Variants in NCS1 observed in about 807,000 individuals in gnomAD.
NCS1 encodes the protein neuronal calcium sensor 1.
NCS1 carries 6 observed loss-of-function variants against 28.4 expected under a neutral mutation model. That is an observed-to-expected ratio of 0.21 (90% CI 0.12 to 0.42). NCS1 has a LOEUF of 0.42. Ranked by LOEUF, NCS1 falls within the 10% of genes least tolerant of loss-of-function variation. NCS1 has a pLI of 1.00. For synonymous variants in NCS1, 86 were observed against 99.3 expected, an observed-to-expected ratio of 0.87 and a Z score of 0.79; for missense variants, 131 against 241.4, an observed-to-expected ratio of 0.54 and a Z score of 3.03.
intron 2 of NCS1, among the ~76,000 whole-genome samples, 184 bp from the exon 3 acceptor site, chr9:130,217,648 C>G (rs1554909586): frequency 6.6e-6 from 1 of 152,166 alleles, no homozygotes; most frequent in Non-Finnish European, 1.5e-5. Flanking sequence ...TATCCAAGGT[C>G]ACACTGCTAG....
At chr9:130,196,494 T>A (rs1171980975) in intron 1 of NCS1, among the ~76,000 whole-genome samples, 4 of 152,204 alleles carry the variant, frequency 2.6e-5, no homozygotes, top group African/African-American at 4.8e-5. Context: ...ACCCCAGCAC[T>A]TTGGGAGGCC....
chr9:130,190,958 G>A (rs1190678247), intron 1 of NCS1, among the ~76,000 whole-genome samples: 7 of 152,150 alleles, frequency 4.6e-5, no homozygotes, highest in Non-Finnish European at 1.0e-4. Context: ...CTCTCTCCTG[G>A]CTCCACTTCC....
At chr9:130,178,806 TAGG>T (rs1324309195) in intron 1 of NCS1, among the ~76,000 whole-genome samples, 3 of 127,454 alleles carry the variant, frequency 2.4e-5, no homozygotes, top group Non-Finnish European at 3.2e-5. Flanking sequence ...CAGATATATT[TAGG>T]AGGAAGACTC....
chr9:130,232,409 TA>T lies in NCS1; in HGVS notation c.*18-580del, dbSNP rs1416982596. Among the ~76,000 whole-genome samples the T allele has an allele frequency of 6.6e-6, 1 of 152,262 alleles. No individual in the cohort carries two copies. The highest frequency in any genetic ancestry group is 2.4e-5 in the African/African-American group (1 of 41,464). ...CACCACTCCTCTGATACTGGACACT[TA>T]GATTGTTTTCTCTGCTTCCATTTTT... is the stretch of plus-strand genomic sequence containing the variant. On this transcript the variant is annotated intron_variant, in intron 7 of 7. Coordinates refer to ENST00000372398, the MANE Select transcript of NCS1 (RefSeq NM_014286.4). The surrounding 1 kb of genome is among the most constrained non-coding windows in gnomAD (Gnocchi z 4.4).
intron 1 of NCS1, among the ~76,000 whole-genome samples, chr9:130,183,958 C>A (rs542611380): frequency 6.6e-6 from 1 of 151,872 alleles, no homozygotes; most frequent in African/African-American, 2.4e-5. Context: ...CACAGGCGCC[C>A]GCCACCATAC....
intron 1 of NCS1, among the ~76,000 whole-genome samples, chr9:130,194,490 G>A (rs1832854447): frequency 6.6e-6 from 1 of 151,934 alleles, no homozygotes. Context: ...CTGGGGGTCA[G>A]TGAAGGGGAG....
At chr9:130,217,719 T>C in intron 2 of NCS1, 113 bp from the exon 3 acceptor site, 1 of 1,499,650 alleles carries the variant, frequency 6.7e-7, no homozygotes, top group Middle Eastern at 2.3e-4. Context: ...TGGGGCACCA[T>C]CTCTTTGAAC....
At chr9:130,198,176 G>C (rs1832899629) in intron 1 of NCS1, among the ~76,000 whole-genome samples, 2 of 152,170 alleles carry the variant, frequency 1.3e-5, no homozygotes, top group Admixed American at 6.5e-5. Flanking sequence ...AGGGTTCTGT[G>C]GGGGGACCTT....
chr9:130,187,687 C>T (rs1240732831), intron 1 of NCS1, among the ~76,000 whole-genome samples: 1 of 152,214 alleles, frequency 6.6e-6, no homozygotes, highest in African/African-American at 2.4e-5. Flanking sequence ...CTCTGCGTCC[C>T]TGCCAATGCC....
Position 130,177,660 on chromosome 9 carries a change from G to A in NCS1, c.64+4933G>A, listed in dbSNP as rs1466365205. Reference sequence around the variant, plus strand: ...TTAGGAGAGGACTCGATCCCCTGCGGTGCGGGGCTGGGTCCTCACTCGGCC... The same window carrying A: ...TTAGGAGAGGACTCGATCCCCTGCGATGCGGGGCTGGGTCCTCACTCGGCC... On this transcript the variant is annotated intron_variant, in intron 1 of 7. Transcript: ENST00000372398. The surrounding 1 kb of genome is among the most constrained non-coding windows in gnomAD (Gnocchi z 4.4). Among the ~76,000 whole-genome samples, 2 of 152,256 alleles carry A rather than the reference G, an allele frequency of 1.3e-5. No individual in the cohort carries two copies. The highest frequency in any genetic ancestry group is 2.9e-5 in the Non-Finnish European group (2 of 68,044).
At position 130,228,476 on chromosome 9, in the gene NCS1, G is replaced by A. The variant is rs142108422; in HGVS notation, c.*17+1972G>A. Among the ~76,000 whole-genome samples, 301 of 151,498 alleles carry A rather than the reference G, an allele frequency of 2.0e-3. 1 individual carries two copies. Among genetic ancestry groups the A allele is most frequent in the Admixed American group, 4.0e-3 (61 of 15,212 alleles). On this transcript the variant is annotated intron_variant, in intron 7 of 7. Transcript: ENST00000372398. ...TGACCTCAAGTGATCCTCCTACCTC[G>A]GCCTCCCAAAGTGCTGAGATTACAG...
rs1451019618 is a variant in NCS1, at chr9:130,180,698, CA to C, written c.64+7972del. 6.6e-6 allele frequency among the ~76,000 whole-genome samples: 1 copy of C among 152,104 alleles called. No individual in the cohort carries two copies. Reference sequence around the variant, plus strand: ...CTTGCGCATGAGACAGGGATGTTTGCACAGGGATCTGCACGTAGTAGGTGCT... The same window carrying C: ...CTTGCGCATGAGACAGGGATGTTTGCCAGGGATCTGCACGTAGTAGGTGCT... On this transcript the variant is annotated intron_variant, in intron 1 of 7. Transcript: ENST00000372398. The surrounding 1 kb of genome is among the most constrained non-coding windows in gnomAD (Gnocchi z 4.5).
chr9:130,231,375 T>A (rs115566995), intron 7 of NCS1, among the ~76,000 whole-genome samples: 18,708 of 151,336 alleles, frequency 0.12, 1,261 homozygotes, highest in Admixed American at 0.18. Context: ...TTTAATTTTG[T>A]TTATTTTTTA....
chr9:130,186,071 C>G lies in NCS1; in HGVS notation c.64+13344C>G, dbSNP rs1445843939. ...GGCCAGCAGGGAGCAGAGGGGAGGC[C>G]CTGGGTCCTGTGGGGGGCATGTGTG... On this transcript the variant is annotated intron_variant, in intron 1 of 7. Coordinates refer to ENST00000372398, the MANE Select transcript of NCS1 (RefSeq NM_014286.4). The surrounding 1 kb of genome is among the most constrained non-coding windows in gnomAD (Gnocchi z 4.1). Among the ~76,000 whole-genome samples the G allele has an allele frequency of 2.0e-5, 3 of 152,268 alleles. No individual in the cohort carries two copies. The highest frequency in any genetic ancestry group is 7.2e-5 in the African/African-American group (3 of 41,560).
At chr9:130,225,193 A>G (rs1833394797) in intron 6 of NCS1, among the ~76,000 whole-genome samples, 1 of 152,238 alleles carries the variant, frequency 6.6e-6, no homozygotes, top group Non-Finnish European at 1.5e-5. Flanking sequence ...CCCTGTCTCA[A>G]TCAATCAATC....
intron 1 of NCS1, among the ~76,000 whole-genome samples, chr9:130,187,352 C>G (rs908783499): frequency 1.3e-5 from 2 of 152,144 alleles, no homozygotes; most frequent in Admixed American, 6.5e-5. Flanking sequence ...ATGAGTCACT[C>G]TGTGCCTCCT....
chr9:130,197,362 T>C (rs1832888414), intron 1 of NCS1, among the ~76,000 whole-genome samples: 1 of 152,232 alleles, frequency 6.6e-6, no homozygotes, highest in African/African-American at 2.4e-5. Flanking sequence ...AGTGAATCAC[T>C]GGACACTGGA....
At chr9:130,224,461 GGGA>G (rs1350966340) in intron 6 of NCS1, among the ~76,000 whole-genome samples, 2 of 150,374 alleles carry the variant, frequency 1.3e-5, no homozygotes, top group Admixed American at 6.6e-5. Flanking sequence ...GGGAGGCTGA[GGGA>G]GGAGAATTGC....
intron 1 of NCS1, among the ~76,000 whole-genome samples, chr9:130,196,537 G>A (rs959269557): frequency 6.6e-6 from 1 of 152,170 alleles, no homozygotes; most frequent in East Asian, 1.9e-4. Flanking sequence ...TCAGGAGTTC[G>A]GGACCAGCCT....
Sources: allele counts gnomAD v4.1 joint callset (sites outside exome capture counted in the v4.1 genomes callset), GRCh38; gene constraint gnomAD v4.1.1; non-coding constraint Gnocchi (gnomAD v3.1); transcripts MANE v1.5; gene names NCBI Gene and HGNC (gene_info 2026-07-23, HGNC 2026-07-21).